The following ZMYM4 variants were observed in gnomAD, a reference collection of about 807,000 sequenced individuals.
ZMYM4 encodes zinc finger MYM-type containing 4.
In ZMYM4, 31 loss-of-function variants were observed where a neutral mutation model predicts 183.2. The ratio of observed to expected loss-of-function variants is 0.17; its 90% CI spans 0.13 to 0.23. The LOEUF is 0.23. Ranked by LOEUF, ZMYM4 falls within the 10% of genes least tolerant of loss-of-function variation. ZMYM4 has a pLI of 1.00. For missense variants in ZMYM4, 1,273 were observed against 1,840.3 expected (o/e 0.69, Z 5.64); for synonymous variants, 592 against 631.2 (o/e 0.94, Z 0.93).
chr1:35,273,912 T>C (rs1533359), intron 1 of ZMYM4, among the ~76,000 whole-genome samples: 14,496 of 152,162 alleles, frequency 0.095, 1,881 homozygotes, highest in African/African-American at 0.29. Context: ...TATCTATTAA[T>C]ATATAAATCT....
At chr1:35,395,627 A>C (rs1447301303) in intron 18 of ZMYM4, among the ~76,000 whole-genome samples, 1 of 152,212 alleles carries the variant, frequency 6.6e-6, no homozygotes, top group Non-Finnish European at 1.5e-5. Context: ...ATGTTAAAAA[A>C]ATCATGAGTC....
At chr1:35,305,321 C>G (rs889119335) in intron 1 of ZMYM4, among the ~76,000 whole-genome samples, 1 of 152,062 alleles carries the variant, frequency 6.6e-6, no homozygotes, top group Non-Finnish European at 1.5e-5. Context: ...TTTTACTTAT[C>G]TCTTTAGTTC....
chr1:35,414,018 A>C lies in ZMYM4; in HGVS notation c.3995A>C (p.Tyr1332Ser). 1 of 1,595,242 alleles carries C rather than the reference A, an allele frequency of 6.3e-7. No homozygotes were observed. The highest frequency in any genetic ancestry group is 8.5e-7 in the Non-Finnish European group (1 of 1,172,452). ...GRIDNIFTEPYSRFMIELTKL... is the reference protein window; with the variant it reads ...GRIDNIFTEPSSRFMIELTKL... ...ATAGATAACATTTTTACTGAGCCCT[A>C]TTCCAGATTTATGATTGAACTTACC... The change falls in exon 27 of 30, where the codon TAT (tyrosine) becomes TCT (serine). Residue 1332 changes from tyrosine to serine, a missense_variant. Transcript: ENST00000314607.
At position 35,385,609 on chromosome 1, in the gene ZMYM4, A is replaced by G; in HGVS notation, c.1720+17A>G. ...CTTCTGCAGGTAATATTGGTTTCAC[A>G]AACTATGAAATGCAATGGTTGAAAA... On this transcript the variant is annotated intron_variant, in intron 10 of 29. Coordinates refer to ENST00000314607, the MANE Select transcript of ZMYM4 (RefSeq NM_005095.3). The G allele has an allele frequency of 6.4e-7, 1 of 1,570,856 alleles. No individual in the cohort carries two copies. Among genetic ancestry groups the G allele is most frequent in the Non-Finnish European group, 8.6e-7 (1 of 1,164,392 alleles).
At chr1:35,296,406 C>T (rs562896045) in intron 1 of ZMYM4, among the ~76,000 whole-genome samples, 4 of 152,348 alleles carry the variant, frequency 2.6e-5, no homozygotes, top group African/African-American at 9.6e-5. Flanking sequence ...ATCTGTATTA[C>T]ATGCACCTCG....
Position 35,269,019 on chromosome 1 carries a change from G to C in ZMYM4, c.-28G>C. On this transcript the variant is annotated 5_prime_UTR_variant, in exon 1 of 30. Transcript: ENST00000314607. The stretch of plus-strand genomic sequence containing the variant: ...AGGTACCGCCGCCACCGCGCGGGGA[G>C]CCGCAGCGGTTCCGAGCGGGGCCCA... The C allele has an allele frequency of 6.5e-7, 1 of 1,527,934 alleles. No individual in the cohort carries two copies. The highest frequency in any genetic ancestry group is 8.8e-7 in the Non-Finnish European group (1 of 1,137,638). The allele number at this position is 1,527,934 out of a possible 1,614,324, so 94.6% of individuals were successfully genotyped here. A position where few individuals can be genotyped will look rare whatever the true frequency, so the allele number is the denominator to read the frequency against.
chr1:35,391,220 C>T (rs947556991), intron 15 of ZMYM4, among the ~76,000 whole-genome samples: 2 of 152,106 alleles, frequency 1.3e-5, no homozygotes, highest in Admixed American at 6.5e-5. Flanking sequence ...AAAGACGCAG[C>T]GGCTTGAGGG....
In ZMYM4 at chr1:35,268,947, C is replaced by T. The variant is rs533672989; in HGVS notation, c.-100C>T. On this transcript the variant is annotated 5_prime_UTR_variant, in exon 1 of 30. Transcript: ENST00000314607. ...GCCCGGCCGGGTCCGGGGAAGCTGC[C>T]GCGAGGCGGCCGTGCCTGCAGTGTG... 5.4e-6 allele frequency: 7 copies of T among 1,296,714 alleles called. No individual in the cohort carries two copies. Among genetic ancestry groups the T allele is most frequent in the South Asian group, 2.3e-5 (1 of 42,554 alleles). The allele number at this position is 1,296,714 out of a possible 1,614,324, so 80.3% of individuals were successfully genotyped here.
intron 3 of ZMYM4, among the ~76,000 whole-genome samples, chr1:35,360,865 G>A (rs1643919664): frequency 6.6e-6 from 1 of 151,866 alleles, no homozygotes; most frequent in Non-Finnish European, 1.5e-5. Context: ...ATAAAGATTA[G>A]GATAGACAGA....
intron 5 of ZMYM4, among the ~76,000 whole-genome samples, chr1:35,362,325 G>A (rs753240243): frequency 6.6e-5 from 10 of 152,222 alleles, no homozygotes; most frequent in Non-Finnish European, 1.5e-4. Flanking sequence ...TGAGTAATAA[G>A]AGTGAAGGTA....
intron 9 of ZMYM4, among the ~76,000 whole-genome samples, chr1:35,384,370 T>A (rs889357018): frequency 6.6e-6 from 1 of 152,228 alleles, no homozygotes; most frequent in Non-Finnish European, 1.5e-5. Flanking sequence ...TATTTTAATA[T>A]CAAGTTTTAC....
intron 2 of ZMYM4, among the ~76,000 whole-genome samples, chr1:35,358,067 A>G (rs1405968900): frequency 6.6e-6 from 1 of 152,198 alleles, no homozygotes; most frequent in Non-Finnish European, 1.5e-5. Context: ...GACCATTAGG[A>G]GATCATTGAT....
At chr1:35,378,438 A>G (rs1413508580) in intron 7 of ZMYM4, among the ~76,000 whole-genome samples, 1 of 152,220 alleles carries the variant, frequency 6.6e-6, no homozygotes, top group Admixed American at 6.5e-5. Flanking sequence ...ATGAGTTGCA[A>G]AAGTTGAAAT....
chr1:35,338,627 A>G (rs1267587240), intron 2 of ZMYM4, among the ~76,000 whole-genome samples: 1 of 152,208 alleles, frequency 6.6e-6, no homozygotes, highest in African/African-American at 2.4e-5. Flanking sequence ...CATCTGGCCA[A>G]CACTTGATTT....
At chr1:35,343,469 C>T (rs1039618776) in intron 2 of ZMYM4, among the ~76,000 whole-genome samples, 6 of 151,786 alleles carry the variant, frequency 4.0e-5, no homozygotes, top group African/African-American at 1.5e-4. Context: ...AGTCATTTGA[C>T]CAATGTTTTT....
chr1:35,306,464 G>A (rs1318773777), intron 1 of ZMYM4, among the ~76,000 whole-genome samples: 5 of 152,052 alleles, frequency 3.3e-5, no homozygotes, highest in South Asian at 2.1e-4. Flanking sequence ...CCCATATTCA[G>A]CCTGTGGGAG....
At position 35,376,077 on chromosome 1, in the gene ZMYM4, G is replaced by GA. The variant is rs564648131; in HGVS notation, c.1182-5168dup. On this transcript the variant is annotated intron_variant, in intron 7 of 29. Coordinates refer to ENST00000314607, the MANE Select transcript of ZMYM4 (RefSeq NM_005095.3). ...GGTGACACAGCAGGACACTATCTTT[G>GA]AAAAAAAAAAAAAATCTCATATTTT... is the stretch of plus-strand genomic sequence containing the variant. Among the ~76,000 whole-genome samples, 332 of 138,212 alleles carry GA rather than the reference G, an allele frequency of 2.4e-3. 1 individual carries two copies. Among genetic ancestry groups the GA allele is most frequent in the South Asian group, 7.8e-3 (34 of 4,354 alleles). The allele number at this position is 138,212 out of a possible 152,430, so 90.7% of individuals were successfully genotyped here.
At chr1:35,355,834 A>G (rs1248389513) in intron 2 of ZMYM4, among the ~76,000 whole-genome samples, 1 of 152,204 alleles carries the variant, frequency 6.6e-6, no homozygotes, top group African/African-American at 2.4e-5. Flanking sequence ...CTTTATGCCT[A>G]AAACTTAGAT....
intron 1 of ZMYM4, among the ~76,000 whole-genome samples, chr1:35,322,020 G>T (rs1184578253): frequency 6.6e-6 from 1 of 151,670 alleles, no homozygotes; most frequent in African/African-American, 2.4e-5. Flanking sequence ...AAGAGACTGT[G>T]CAGCCACTGG....
Sources: gnomAD v4.1 joint callset for allele counts (sites outside exome capture counted in the v4.1 genomes callset) on GRCh38, gnomAD v4.1.1 for gene constraint, MANE v1.5 for transcripts, NCBI Gene and HGNC (gene_info 2026-07-23, HGNC 2026-07-21) for gene names.